Variants in ADGRA3 observed in about 807,000 individuals in gnomAD.
The protein encoded by ADGRA3 is G-protein coupled receptor 125.
ADGRA3 carries 56 observed loss-of-function variants against 119.8 expected under a neutral mutation model. The observed-to-expected ratio is 0.47, with a 90% CI of 0.38 to 0.58. The LOEUF is 0.58. Ranked by LOEUF, ADGRA3 falls within the 20% of genes least tolerant of loss-of-function variation. The pLI, the probability that ADGRA3 is intolerant of heterozygous loss-of-function variation, is 0.00. For missense variants in ADGRA3, 1,516 were observed against 1,649.0 expected (o/e 0.92, Z 1.40); for synonymous variants, 607 against 623.8 (o/e 0.97, Z 0.40).
chr4:22,515,544 TG>T lies in ADGRA3; in HGVS notation c.240del (p.Asn81ThrfsTer6). ...GATACTCACAGGGTGACCGTGCGGT[TG>T]GGCAGAGTATCTGGGGGCAGGACCT... ...LAQVLPPDTL[P>X]NRTVTLILSN... is the part of the protein sequence containing the mutation. On this transcript the variant is annotated frameshift_variant, in exon 1 of 19. Coordinates refer to ENST00000334304, the MANE Select transcript of ADGRA3 (RefSeq NM_145290.4). LOFTEE classifies it high-confidence loss of function. 6.2e-7 allele frequency: 1 copy of T among 1,606,150 alleles called. No individual in the cohort carries two copies. The highest frequency in any genetic ancestry group is 1.3e-5 in the African/African-American group (1 of 74,328).
intron 12 of ADGRA3, among the ~76,000 whole-genome samples, chr4:22,416,975 G>T (rs1198725815): frequency 6.6e-6 from 1 of 152,030 alleles, no homozygotes; most frequent in Non-Finnish European, 1.5e-5. Flanking sequence ...AATCTTTATG[G>T]GTTAAAATCT....
intron 2 of ADGRA3, among the ~76,000 whole-genome samples, chr4:22,471,968 G>C (rs1717871403): frequency 6.6e-6 from 1 of 152,006 alleles, no homozygotes; most frequent in Admixed American, 6.6e-5. Flanking sequence ...ATGCAAAAAG[G>C]GTAGTAATTC....
intron 2 of ADGRA3, 108 bp from the exon 3 acceptor site, chr4:22,461,916 G>A (rs1452530401): frequency 9.7e-6 from 6 of 619,018 alleles, no homozygotes; most frequent in Non-Finnish European, 1.6e-5. Context: ...ATAATAAGAG[G>A]AGGAAACTGA....
intron 17 of ADGRA3, among the ~76,000 whole-genome samples, chr4:22,391,794 T>C (rs535062187): frequency 6.6e-6 from 1 of 152,302 alleles, no homozygotes; most frequent in Non-Finnish European, 1.5e-5. Context: ...CCTCAAGGTT[T>C]CCTCAGCTCA....
chr4:22,435,205 G>T, intron 10 of ADGRA3, 106 bp downstream of exon 10: 3 of 955,742 alleles, frequency 3.1e-6, no homozygotes, highest in Non-Finnish European at 4.8e-6. Context: ...CATGCTTTTA[G>T]CTCAAATATG....
chr4:22,420,083 A>AACACCT (rs568844615), intron 12 of ADGRA3: 2 of 152,608 alleles, frequency 1.3e-5, no homozygotes, highest in Non-Finnish European at 2.9e-5. Context: ...ACTAAACCAG[A>AACACCT]ACACCTAACA....
At chr4:22,494,707 A>G (rs1425985697) in intron 1 of ADGRA3, among the ~76,000 whole-genome samples, 1 of 152,048 alleles carries the variant, frequency 6.6e-6, no homozygotes, top group Non-Finnish European at 1.5e-5. Flanking sequence ...CACTAAAGTT[A>G]TACAGTCAAA....
In ADGRA3 at chr4:22,498,923, C is replaced by CA. The variant is rs11299508; in HGVS notation, c.257+16604dup. 5.3e-5 allele frequency among the ~76,000 whole-genome samples: 8 copies of CA among 150,706 alleles called. No homozygotes were observed. The South Asian group carries it at 6.3e-4, about 12-fold the overall frequency. ...AGCGAGACTCGTCTCAAAAAAAAAA[C>CA]AAAAAAAACAAAAAAACACAGAGAA... On this transcript the variant is annotated intron_variant, in intron 1 of 18. Coordinates refer to ENST00000334304, the MANE Select transcript of ADGRA3 (RefSeq NM_145290.4).
intron 1 of ADGRA3, among the ~76,000 whole-genome samples, chr4:22,483,878 G>A (rs1211626331): frequency 6.6e-6 from 1 of 152,140 alleles, no homozygotes; most frequent in Non-Finnish European, 1.5e-5. Flanking sequence ...GAGGCTGGAG[G>A]GATTCATTCA....
Position 22,387,898 on chromosome 4 carries a change from G to T in ADGRA3, c.3773C>A (p.Ser1258Ter). The T allele has an allele frequency of 6.2e-7, 1 of 1,614,176 alleles. No homozygotes were observed. The highest frequency in any genetic ancestry group is 8.5e-7 in the Non-Finnish European group (1 of 1,180,020). ...TAACGCATCTTTTTTACTAGTGGTT[G>T]AAACTGGCTTTTCAAAATTTCTGCT... ...KSSRNFEKPV[S>*]TTSKKDALRK... Residue 1258 changes from serine to a stop codon, truncating the protein, a stop_gained, in exon 19 of 19, where the codon TCA (serine) becomes TAA (stop). Transcript: ENST00000334304. LOFTEE classifies it high-confidence loss of function.
At chr4:22,499,281 T>TA (rs1271544615) in intron 1 of ADGRA3, among the ~76,000 whole-genome samples, 1 of 152,236 alleles carries the variant, frequency 6.6e-6, no homozygotes, top group Non-Finnish European at 1.5e-5. Context: ...GTTTCATATG[T>TA]AAAATCATAG....
chr4:22,442,628 CAA>C lies in ADGRA3; in HGVS notation c.920+20_920+21del, dbSNP rs374500461. 0.013 allele frequency: 16,469 copies of C among 1,295,476 alleles called. No homozygotes were observed. Among genetic ancestry groups the C allele is most frequent in the South Asian group, 0.023 (1,694 of 74,574 alleles). The allele number at this position is 1,295,476 out of a possible 1,614,324, so 80.2% of individuals were successfully genotyped here. A position where few individuals can be genotyped will look rare whatever the true frequency, so the allele number is the denominator to read the frequency against. ...AAATACACAGGCACAATTCTTCATTCAAAAAAAAAAAAAAAGTTTACCTTGCA... is the reference window on the plus strand; with the variant it reads ...AAATACACAGGCACAATTCTTCATTCAAAAAAAAAAAAAGTTTACCTTGCA... On this transcript the variant is annotated intron_variant, in intron 7 of 18. Transcript: ENST00000334304.
intron 1 of ADGRA3, among the ~76,000 whole-genome samples, chr4:22,505,969 T>C (rs756200100): frequency 2.6e-5 from 4 of 152,086 alleles, no homozygotes; most frequent in Non-Finnish European, 2.9e-5. Context: ...AGGATACAAA[T>C]TTAGGAAACT....
chr4:22,466,104 A>T (rs1717647911), intron 2 of ADGRA3, among the ~76,000 whole-genome samples: 2 of 152,136 alleles, frequency 1.3e-5, no homozygotes, highest in South Asian at 4.1e-4. Flanking sequence ...CCTCAAAAAG[A>T]TCCACAGTCC....
chr4:22,399,189 GCTA>G (rs1477190989), intron 16 of ADGRA3, among the ~76,000 whole-genome samples: 1 of 152,108 alleles, frequency 6.6e-6, no homozygotes, highest in Admixed American at 6.5e-5. Context: ...CCATTCTCCT[GCTA>G]CTTTTTCTTC....
intron 2 of ADGRA3, among the ~76,000 whole-genome samples, 166 bp from the exon 3 acceptor site, chr4:22,461,974 C>T (rs1280981722): frequency 1.3e-5 from 2 of 152,222 alleles, no homozygotes; most frequent in Middle Eastern, 3.4e-3. Context: ...AAGGGAGAGT[C>T]AGAATGCAAA....
At chr4:22,481,247 A>G (rs1718252153) in intron 1 of ADGRA3, among the ~76,000 whole-genome samples, 1 of 152,194 alleles carries the variant, frequency 6.6e-6, no homozygotes, top group African/African-American at 2.4e-5. Context: ...ATTGGTACAC[A>G]TCCTAAAGTT....
At chr4:22,425,431 C>T (rs1451094172) in intron 10 of ADGRA3, among the ~76,000 whole-genome samples, 3 of 152,178 alleles carry the variant, frequency 2.0e-5, no homozygotes, top group Non-Finnish European at 4.4e-5. Context: ...TTTACTATAA[C>T]TCATACGTCT....
At chr4:22,455,038 C>A (rs929285780) in intron 3 of ADGRA3, 101 bp from the exon 4 acceptor site, 2 of 776,372 alleles carry the variant, frequency 2.6e-6, no homozygotes, top group Non-Finnish European at 4.5e-6. Context: ...TCGCACAAGA[C>A]CTTTATTCTA....
Sources: gnomAD v4.1 joint callset for allele counts (sites outside exome capture counted in the v4.1 genomes callset) on GRCh38, gnomAD v4.1.1 for gene constraint, MANE v1.5 for transcripts, NCBI Gene and HGNC (gene_info 2026-07-23, HGNC 2026-07-21) for gene names.